The following ICE1 variants were observed in gnomAD, a reference collection of about 807,000 sequenced individuals.
ICE1 encodes the protein interactor of little elongation complex ELL subunit 1, also known as little elongation complex subunit 1.
ICE1 carries 64 observed loss-of-function variants against 192.7 expected under a neutral mutation model. The ratio of observed to expected loss-of-function variants is 0.33; its 90% CI spans 0.27 to 0.41. The LOEUF (loss-of-function observed/expected upper bound fraction) is 0.41, where lower values mean the gene tolerates loss of function less well. Among genes scored for constraint, ICE1 ranks in the 10% least tolerant of loss-of-function variants. ICE1 has a pLI of 1.00. For synonymous variants in ICE1, 1,010 were observed against 984.5 expected (o/e 1.03, Z -0.49); for missense variants, 2,708 against 2,696.0 (o/e 1.00, Z -0.10).
At position 5,461,019 on chromosome 5, in the gene ICE1, A is replaced by G. The variant is rs1458870358; in HGVS notation, c.1685A>G (p.Glu562Gly). 3 of 1,613,966 alleles carry G rather than the reference A, an allele frequency of 1.9e-6. No homozygotes were observed. The African/African-American group carries it at 4.0e-5, about 22-fold the overall frequency. Residue 562 changes from glutamate (E) to glycine (G), a missense_variant, in exon 13 of 19, where the codon GAG (glutamate) becomes GGG (glycine). Glu to Gly is a moderately conservative substitution (Grantham distance 98). This residue lies in a region of ICE1 where 2,366 missense variants were observed against 2,276.6 expected (regional missense o/e 1.04). Transcript: ENST00000296564. Reference sequence around the variant, plus strand: ...AAAATGATGGGATCGCCCAAATCAGAGTTTACTAAGTGGACACGAATTAAT... The same window carrying G: ...AAAATGATGGGATCGCCCAAATCAGGGTTTACTAAGTGGACACGAATTAAT... ...LSKMMGSPKS[E>G]FTKWTRINEI... is the part of the protein sequence containing the mutation.
Position 5,460,380 on chromosome 5 carries a change from T to C in ICE1, c.1102-56T>C, listed in dbSNP as rs1738730813. 7 of 1,033,806 alleles carry C rather than the reference T, an allele frequency of 6.8e-6. No individual in the cohort carries two copies. In the South Asian group the frequency reaches 1.2e-4, roughly 18 times the overall value. The allele number at this position is 1,033,806 out of a possible 1,614,324, so 64.0% of individuals were successfully genotyped here. A position where few individuals can be genotyped will look rare whatever the true frequency, so the allele number is the denominator to read the frequency against. ...TTTAAAAAATAATGCATTTAATTGATAGTCATGTTAATCTGTTGAATTAGT... is the reference window on the plus strand; with the variant it reads ...TTTAAAAAATAATGCATTTAATTGACAGTCATGTTAATCTGTTGAATTAGT... On this transcript the variant is annotated intron_variant, in intron 12 of 18. Coordinates refer to ENST00000296564, the MANE Select transcript of ICE1 (RefSeq NM_015325.3).
At chr5:5,432,029 A>G (rs140450359) in intron 1 of ICE1, among the ~76,000 whole-genome samples, 102 of 151,986 alleles carry the variant, frequency 6.7e-4, no homozygotes, top group African/African-American at 2.4e-3. Flanking sequence ...TTTGTTAGCT[A>G]TAACAGCATT....
chr5:5,443,782 A>C (rs934328077), intron 6 of ICE1, among the ~76,000 whole-genome samples: 1 of 152,226 alleles, frequency 6.6e-6, no homozygotes, highest in Non-Finnish European at 1.5e-5. Flanking sequence ...AGCTATACAT[A>C]AAACAGTTGA....
At chr5:5,451,063 A>G (rs781221094) in intron 10 of ICE1, among the ~76,000 whole-genome samples, 10 of 152,170 alleles carry the variant, frequency 6.6e-5, no homozygotes. Context: ...AATAAAAAAT[A>G]CCTACAATTT....
intron 1 of ICE1, among the ~76,000 whole-genome samples, chr5:5,425,132 T>C (rs953912179): frequency 6.6e-6 from 1 of 152,204 alleles, no homozygotes; most frequent in African/African-American, 2.4e-5. Flanking sequence ...TTTATCAGAT[T>C]GTGTCCGCTC....
chr5:5,432,940 G>A lies in ICE1; in HGVS notation c.85-3478G>A, dbSNP rs74770571. On this transcript the variant is annotated intron_variant, in intron 1 of 18. Transcript: ENST00000296564. ...TGGAAGTCCTTGCAAAGAGCGAGTA[G>A]CAGATACACTGAGGATGTGGGGCTT... Among the ~76,000 whole-genome samples, 1,127 of 152,290 alleles carry A rather than the reference G, an allele frequency of 7.4e-3. 9 individuals carry two copies. The highest frequency in any genetic ancestry group is 0.012 in the Non-Finnish European group (799 of 68,022).
chr5:5,460,723 C>T lies in ICE1; in HGVS notation c.1389C>T (p.His463=). Residue 463 remains histidine, a synonymous_variant, in exon 13 of 19, where the codon CAC becomes CAT. Transcript: ENST00000296564. The part of the protein sequence containing the change: ...SATHSLVGEK[H]WTTASRSMSD... ...CACACTCCTTAGTTGGTGAAAAACA[C>T]TGGACCACAGCATCTCGATCCATGA... 3.7e-6 allele frequency: 6 copies of T among 1,614,004 alleles called. No individual in the cohort carries two copies. The highest frequency in any genetic ancestry group is 5.1e-6 in the Non-Finnish European group (6 of 1,179,906).
chr5:5,435,979 A>G (rs1235785225), intron 1 of ICE1, among the ~76,000 whole-genome samples: 1 of 151,574 alleles, frequency 6.6e-6, no homozygotes, highest in African/African-American at 2.4e-5. Flanking sequence ...ATCCTTATAT[A>G]TTTTTTCACT....
chr5:5,487,583 A>T (rs1579585550), intron 18 of ICE1, among the ~76,000 whole-genome samples: 1 of 152,316 alleles, frequency 6.6e-6, no homozygotes, highest in East Asian at 1.9e-4. Flanking sequence ...TTTATCTGAA[A>T]TACCTTCTTT....
intron 1 of ICE1, among the ~76,000 whole-genome samples, chr5:5,430,776 T>G (rs1174989516): frequency 1.3e-5 from 2 of 152,228 alleles, no homozygotes; most frequent in Non-Finnish European, 2.9e-5. Context: ...GATCAGTATT[T>G]GAAGTTGACA....
At chr5:5,432,173 A>G (rs1473844112) in intron 1 of ICE1, among the ~76,000 whole-genome samples, 7 of 152,146 alleles carry the variant, frequency 4.6e-5, no homozygotes, top group South Asian at 2.1e-4. Flanking sequence ...AAGAAACCCT[A>G]TACTAGTTAC....
intron 1 of ICE1, among the ~76,000 whole-genome samples, chr5:5,424,400 A>T (rs1737456034): frequency 7.7e-6 from 1 of 130,104 alleles, no homozygotes; most frequent in Non-Finnish European, 1.6e-5. Context: ...CCACCACCCC[A>T]GGAACGTGAT....
chr5:5,423,552 T>C (rs1561068040), intron 1 of ICE1, among the ~76,000 whole-genome samples: 2 of 152,318 alleles, frequency 1.3e-5, no homozygotes, highest in Non-Finnish European at 2.9e-5. Flanking sequence ...TCAAGTAGCT[T>C]GTCAGTTGTT....
intron 5 of ICE1, among the ~76,000 whole-genome samples, 176 bp from the exon 6 acceptor site, chr5:5,442,992 G>A (rs938444198): frequency 2.0e-5 from 3 of 152,202 alleles, no homozygotes; most frequent in Middle Eastern, 6.8e-3. Context: ...GGATTATATT[G>A]TTAGTCATAT....
At chr5:5,473,789 A>G (rs1739232457) in intron 16 of ICE1, 41 bp downstream of exon 16, 1 of 1,410,490 alleles carries the variant, frequency 7.1e-7, no homozygotes, top group Admixed American at 2.6e-5. Flanking sequence ...ATGTTATTGT[A>G]AGGTTGAATT....
chr5:5,461,165 G>C lies in ICE1; in HGVS notation c.1831G>C (p.Glu611Gln), dbSNP rs1738762982. The stretch of plus-strand genomic sequence containing the variant: ...CACTTTAGGAGAATCACCTGAATCA[G>C]AAGATGATGACTCAGGTGATGGAAT... ...GFTLGESPES[E>Q]DDDSGDGMDV... Residue 611 changes from glutamate to glutamine, a missense_variant, in exon 13 of 19, where the codon GAA becomes CAA. Glu to Gln is a conservative substitution (Grantham distance 29). This residue lies in a region of ICE1 where 2,366 missense variants were observed against 2,276.6 expected (regional missense o/e 1.04). Transcript: ENST00000296564. 3.7e-6 allele frequency: 6 copies of C among 1,613,962 alleles called. No homozygotes were observed. The highest frequency in any genetic ancestry group is 1.6e-4 in the Middle Eastern group (1 of 6,062).
rs763094403 is a variant in ICE1, at chr5:5,461,549, C to T, written c.2215C>T (p.Pro739Ser). Residue 739 changes from proline to serine, a missense_variant, in exon 13 of 19, where the codon CCT (proline) becomes TCT (serine). By Grantham distance (74) the Pro-to-Ser change is moderately conservative. Coordinates refer to ENST00000296564, the MANE Select transcript of ICE1 (RefSeq NM_015325.3). ...AGGCTTGACCAAAATACATTCACTT[C>T]CTCGGTCAGTATTTATGAAAGCTAC... ...VKGLTKIHSL[P>S]RSVFMKATKD... 5 of 1,613,088 alleles carry T rather than the reference C, an allele frequency of 3.1e-6. No individual in the cohort carries two copies. The South Asian group carries it at 4.4e-5, about 14-fold the overall frequency.
Position 5,462,695 on chromosome 5 carries a change from G to C in ICE1, c.3361G>C (p.Glu1121Gln). The C allele has an allele frequency of 1.2e-6, 2 of 1,613,822 alleles. No homozygotes were observed. The highest frequency in any genetic ancestry group is 1.7e-6 in the Non-Finnish European group (2 of 1,179,796). ...SEAFSCSEGS[E>Q]QQDAPDDSQK... ...GGCATTTAGCTGCAGTGAGGGGAGC[G>C]AACAGCAAGATGCTCCTGATGACTC... The change falls in exon 13 of 19, where the codon GAA becomes CAA. Residue 1121 changes from glutamate to glutamine, a missense_variant. By Grantham distance (29) the Glu-to-Gln change is conservative. Coordinates refer to ENST00000296564, the MANE Select transcript of ICE1 (RefSeq NM_015325.3).
intron 1 of ICE1, among the ~76,000 whole-genome samples, chr5:5,431,227 A>G (rs1369309189): frequency 6.6e-6 from 1 of 152,250 alleles, no homozygotes; most frequent in Non-Finnish European, 1.5e-5. Context: ...TCAAAAGAGA[A>G]TGGGAGAAAA....
Sources: allele counts gnomAD v4.1 joint callset (sites outside exome capture counted in the v4.1 genomes callset), GRCh38; gene constraint gnomAD v4.1.1; regional missense constraint gnomAD v4.1.1; transcripts MANE v1.5; gene names NCBI Gene and HGNC (gene_info 2026-07-23, HGNC 2026-07-21).